The following GBF1 variants were observed in gnomAD, a reference collection of about 807,000 sequenced individuals.
GBF1 encodes Golgi-specific brefeldin A-resistance guanine nucleotide exchange factor 1.
A neutral mutation model predicts 210.5 loss-of-function variants in GBF1; 114 were observed. The observed-to-expected ratio is 0.54, with a 90% CI of 0.47 to 0.63. GBF1 has a LOEUF of 0.63. Among genes scored for constraint, GBF1 ranks in the 30% least tolerant of loss-of-function variants. The pLI is 0.00. For synonymous variants in GBF1, 850 were observed against 889.2 expected, an observed-to-expected ratio of 0.96 and a Z score of 0.78; for missense variants, 1,851 against 2,357.7, an observed-to-expected ratio of 0.79 and a Z score of 4.45.
intron 1 of GBF1, among the ~76,000 whole-genome samples, chr10:102,247,567 A>G (rs2071003243): frequency 6.6e-6 from 1 of 152,208 alleles, no homozygotes; most frequent in Non-Finnish European, 1.5e-5. Context: ...AGGCAGTGTG[A>G]TCAATCCAGG....
chr10:102,369,166 C>T (rs2060071029), intron 23 of GBF1, 45 bp from the exon 24 acceptor site: 3 of 1,431,994 alleles, frequency 2.1e-6, no homozygotes, highest in African/African-American at 1.4e-5. Flanking sequence ...TTTTCCTTTC[C>T]AGACATTAGC....
chr10:102,281,777 T>C (rs2075507690), intron 3 of GBF1, among the ~76,000 whole-genome samples: 1 of 151,834 alleles, frequency 6.6e-6, no homozygotes, highest in East Asian at 1.9e-4. Context: ...CCATACTTTA[T>C]TCAGATTTCA....
intron 3 of GBF1, among the ~76,000 whole-genome samples, chr10:102,278,936 TA>T (rs2075245156): frequency 6.6e-6 from 1 of 151,944 alleles, no homozygotes; most frequent in South Asian, 2.1e-4. Context: ...CCCTTGCAAC[TA>T]ATAAGCAATC....
At chr10:102,290,239 T>C (rs747514027) in intron 3 of GBF1, among the ~76,000 whole-genome samples, 15 of 152,226 alleles carry the variant, frequency 9.9e-5, no homozygotes, top group Non-Finnish European at 1.8e-4. Flanking sequence ...TTTTAAAGTA[T>C]ATTTTTATAG....
chr10:102,230,778 C>T, the GBF1 span: 14 of 1,537,328 alleles, frequency 9.1e-6, no homozygotes, highest in Non-Finnish European at 1.2e-5. Context: ...CCAGGCCCTG[C>T]AGGGCCCCAG....
rs1483451976 is a variant in GBF1, at chr10:102,362,487, G to A, written c.1699G>A (p.Val567Met). 1.9e-6 allele frequency: 3 copies of A among 1,610,612 alleles called. No homozygotes were observed. The highest frequency in any genetic ancestry group is 2.2e-5 in the East Asian group (1 of 44,828). Reference sequence around the variant, plus strand: ...GTTTACTTTCCAGAATGCCTTCCCTGTGTCTGGTCAACTCTATACAACACA... The same window carrying A: ...GTTTACTTTCCAGAATGCCTTCCCTATGTCTGGTCAACTCTATACAACACA... Reference protein sequence around the residue: ...TKLLSKNAFPVSGQLYTTHLL... With the variant: ...TKLLSKNAFPMSGQLYTTHLL... Residue 567 changes from valine to methionine, a missense_variant, in exon 15 of 40, where the codon GTG becomes ATG. By Grantham distance (21) the Val-to-Met change is conservative. Transcript: ENST00000369983.
At chr10:102,235,705 G>C in the GBF1 span, among the ~76,000 whole-genome samples, 1 of 152,142 alleles carries the variant, frequency 6.6e-6, no homozygotes, top group Non-Finnish European at 1.5e-5. Flanking sequence ...AGGGTGGAGT[G>C]GTGGCTAAGA....
At position 102,354,473 on chromosome 10, in the gene GBF1, C is replaced by T. The variant is rs1232936120; in HGVS notation, c.639+819C>T. Among the ~76,000 whole-genome samples, 3 of 151,768 alleles carry T rather than the reference C, an allele frequency of 2.0e-5. No homozygotes were observed. In the East Asian group the frequency reaches 5.8e-4, roughly 29 times the overall value. The stretch of plus-strand genomic sequence containing the variant: ...CTACTCTTTAAGAACCTCAAGGTCT[C>T]TCTCCCTCTCTTTCCCTTCCCCTTT... On this transcript the variant is annotated intron_variant, in intron 8 of 39. Coordinates refer to ENST00000369983, the MANE Select transcript of GBF1 (RefSeq NM_001377137.1).
intron 13 of GBF1, 47 bp from the exon 14 acceptor site, chr10:102,361,671 C>A: frequency 7.4e-7 from 1 of 1,349,448 alleles, no homozygotes; most frequent in Non-Finnish European, 1.0e-6. Flanking sequence ...CTCTTCCTAT[C>A]TTGAATCCTT....
At chr10:102,231,883 C>G in the GBF1 span, 1 of 1,562,450 alleles carries the variant, frequency 6.4e-7, no homozygotes, top group Non-Finnish European at 8.7e-7. Flanking sequence ...TGGCTCCCAC[C>G]GGGGCTGCCC....
At chr10:102,259,092 C>G in intron 2 of GBF1, 58 bp downstream of exon 2, 1 of 876,494 alleles carries the variant, frequency 1.1e-6, no homozygotes, top group African/African-American at 1.6e-5. Flanking sequence ...GATCTGTTGG[C>G]ATGGTTAAAA....
intron 3 of GBF1, among the ~76,000 whole-genome samples, chr10:102,333,064 A>G (rs2057453913): frequency 6.6e-6 from 1 of 152,232 alleles, no homozygotes; most frequent in East Asian, 1.9e-4. Flanking sequence ...TAAAGAATCT[A>G]GTTAAATTAC....
At chr10:102,256,096 C>T (rs969159471) in intron 1 of GBF1, among the ~76,000 whole-genome samples, 8 of 152,168 alleles carry the variant, frequency 5.3e-5, no homozygotes, top group African/African-American at 1.9e-4. Flanking sequence ...CAGGTGTGCA[C>T]CACCACACCT....
intron 21 of GBF1, 45 bp from the exon 22 acceptor site, chr10:102,368,173 C>T (rs1286583765): frequency 1.9e-5 from 24 of 1,258,246 alleles, no homozygotes; most frequent in Non-Finnish European, 2.8e-5. Flanking sequence ...TGGAACTAGT[C>T]AGGTTCAAAG....
At position 102,253,765 on chromosome 10, in the gene GBF1, C is replaced by T. The variant is rs114696021; in HGVS notation, c.-10-5164C>T. On this transcript the variant is annotated intron_variant, in intron 1 of 39. Coordinates refer to ENST00000369983, the MANE Select transcript of GBF1 (RefSeq NM_001377137.1). ...CTTGGCTCAAGTGATCCTCCTGCATCGGCCTCCTAAAATGCTGGATTATAG... is the reference window on the plus strand; with the variant it reads ...CTTGGCTCAAGTGATCCTCCTGCATTGGCCTCCTAAAATGCTGGATTATAG... Among the ~76,000 whole-genome samples the T allele has an allele frequency of 4.1e-3, 627 of 152,296 alleles. 3 individuals are homozygous for T. The highest frequency in any genetic ancestry group is 0.014 in the African/African-American group (588 of 41,556).
Position 102,351,336 on chromosome 10 carries a change from C to G in GBF1, c.376C>G (p.Pro126Ala). The change falls in exon 5 of 40, where the codon CCT becomes GCT. Residue 126 changes from proline (P) to alanine (A), a missense_variant. Coordinates refer to ENST00000369983, the MANE Select transcript of GBF1 (RefSeq NM_001377137.1). ...VTHARFVGTD[P>A]ASDEVVLMKI... ...CCATGCTCGTTTTGTGGGCACGGAT[C>G]CTGCCAGTGATGAAGTTGTCCTGAT... is the stretch of plus-strand genomic sequence containing the variant. The G allele has an allele frequency of 1.9e-6, 3 of 1,607,852 alleles. No homozygotes were observed. Among genetic ancestry groups the G allele is most frequent in the Non-Finnish European group, 2.6e-6 (3 of 1,174,330 alleles).
chr10:102,344,157 C>G lies in GBF1; in HGVS notation c.270C>G (p.Asn90Lys). 6.2e-7 allele frequency: 1 copy of G among 1,613,890 alleles called. No homozygotes were observed. The highest frequency in any genetic ancestry group is 8.5e-7 in the Non-Finnish European group (1 of 1,179,728). Residue 90 changes from asparagine to lysine, a missense_variant, in exon 4 of 40, where the codon AAC (asparagine) becomes AAG (lysine). Asn to Lys is a moderately conservative substitution (Grantham distance 94). Around this residue, in one of 3 missense-constraint regions of GBF1, gnomAD observed 804 missense variants for 958.6 expected, o/e 0.84. Transcript: ENST00000369983. ...PITGLALTSV[N>K]KFLSYALIDP... ...CTGGACTGGCACTCACCTCTGTCAA[C>G]AAGTTCCTGTCCTATGCACTCATAG... is the stretch of plus-strand genomic sequence containing the variant.
intron 20 of GBF1, 82 bp from the exon 21 acceptor site, chr10:102,367,396 C>T (rs981521791): frequency 2.4e-5 from 28 of 1,157,560 alleles, no homozygotes; most frequent in Admixed American, 1.2e-4. Flanking sequence ...TTCCTAAGTC[C>T]TATTTACTGA....
intron 29 of GBF1, among the ~76,000 whole-genome samples, chr10:102,375,066 C>T (rs2060417823): frequency 6.6e-6 from 1 of 151,812 alleles, no homozygotes; most frequent in Admixed American, 6.6e-5. Context: ...CCCAGCTACT[C>T]CAGAGACTGA....
Sources: allele counts gnomAD v4.1 joint callset (sites outside exome capture counted in the v4.1 genomes callset), GRCh38; gene constraint gnomAD v4.1.1; regional missense constraint gnomAD v4.1.1; transcripts MANE v1.5; gene names NCBI Gene and HGNC (gene_info 2026-07-23, HGNC 2026-07-21).